Variants in DPYS observed in about 807,000 individuals in gnomAD.
DPYS encodes the protein dihydropyrimidine amidohydrolase.
In DPYS, 39 loss-of-function variants were observed where a neutral mutation model predicts 50.3. The ratio of observed to expected loss-of-function variants is 0.78; its 90% CI spans 0.60 to 1.01. The LOEUF is 1.01. Ranked by LOEUF, DPYS falls within the 50% of genes least tolerant of loss-of-function variation. The pLI is 0.00. For synonymous variants in DPYS, 245 were observed against 250.7 expected (o/e 0.98, Z 0.22); for missense variants, 659 against 680.9 (o/e 0.97, Z 0.36).
In DPYS at chr8:104,447,471, A is replaced by G; in HGVS notation, c.456T>C (p.Asp152=). ...ACATCTTGAAAGAGTTAACACCTTT[A>G]TCTTGCACAAGGATTTTCATTTCTT... The part of the protein sequence containing the change: ...VKEEMKILVQ[D]KGVNSFKMFM... Residue 152 remains aspartate (D), a synonymous_variant, in exon 3 of 10, where the codon GAT becomes GAC. Transcript: ENST00000351513. The G allele has an allele frequency of 6.2e-7, 1 of 1,614,170 alleles. No homozygotes were observed.
At position 104,381,189 on chromosome 8, in the gene DPYS, G is replaced by T. The variant is rs1811018401; in HGVS notation, c.*9C>A. The T allele has an allele frequency of 1.9e-6, 3 of 1,612,594 alleles. No individual in the cohort carries two copies. In the South Asian group the frequency reaches 3.3e-5, roughly 18 times the overall value. On this transcript the variant is annotated 3_prime_UTR_variant, in exon 9 of 10. Coordinates refer to ENST00000351513, the MANE Select transcript of DPYS (RefSeq NM_001385.3). ...TCTTGCCTACAGTCCCTTACCGATG[G>T]CACACACTTCAGGGGTGGGCCTGTT...
chr8:104,417,970 G>T (rs1220799946), intron 7 of DPYS, among the ~76,000 whole-genome samples: 1 of 152,124 alleles, frequency 6.6e-6, no homozygotes, highest in Non-Finnish European at 1.5e-5. Flanking sequence ...TCTTTCCACT[G>T]GTCTCCCCTG....
chr8:104,402,291 A>G (rs1811844216), intron 7 of DPYS, among the ~76,000 whole-genome samples: 1 of 152,248 alleles, frequency 6.6e-6, no homozygotes, highest in Non-Finnish European at 1.5e-5. Flanking sequence ...TCCACTTAGC[A>G]TAAATATTCC....
chr8:104,447,889 G>A (rs1291012397), intron 2 of DPYS, among the ~76,000 whole-genome samples: 1 of 152,236 alleles, frequency 6.6e-6, no homozygotes, highest in African/African-American at 2.4e-5. Flanking sequence ...ACGTTAATGT[G>A]AGGTAAGGAT....
intron 1 of DPYS, among the ~76,000 whole-genome samples, chr8:104,453,100 C>G (rs1171935392): frequency 2.6e-5 from 4 of 152,110 alleles, no homozygotes; most frequent in Admixed American, 6.6e-5. Flanking sequence ...GATATGCCAG[C>G]TCTATTCTAC....
At chr8:104,386,823 T>C (rs1052442617) in intron 8 of DPYS, among the ~76,000 whole-genome samples, 21 of 152,134 alleles carry the variant, frequency 1.4e-4, no homozygotes, top group African/African-American at 5.1e-4. Context: ...AAAGGGGGTT[T>C]CACCATGTTG....
intron 2 of DPYS, among the ~76,000 whole-genome samples, chr8:104,448,929 G>A (rs1042331039): frequency 1.3e-5 from 2 of 152,088 alleles, no homozygotes; most frequent in African/African-American, 2.4e-5. Context: ...ATCACCTGTC[G>A]GCCCCACCAG....
chr8:104,427,857 A>G lies in DPYS; in HGVS notation c.1092+123T>C, dbSNP rs1468916283. On this transcript the variant is annotated intron_variant, in intron 6 of 9. Transcript: ENST00000351513. ...GAGGTGATAGTATTGCATTCCTAGT[A>G]TCCTCCCTAGTAAAAACAATCAAAA... The G allele has an allele frequency of 6.4e-6, 9 of 1,407,656 alleles. No homozygotes were observed. The Admixed American group carries it at 8.4e-5, about 13-fold the overall frequency. The allele number at this position is 1,407,656 out of a possible 1,614,324, so 87.2% of individuals were successfully genotyped here.
intron 7 of DPYS, among the ~76,000 whole-genome samples, chr8:104,408,970 C>T (rs1281508174): frequency 6.6e-6 from 1 of 151,812 alleles, no homozygotes; most frequent in Non-Finnish European, 1.5e-5. Flanking sequence ...CCGGCCACCA[C>T]TCTCAGCTAA....
At chr8:104,421,621 G>C (rs1812549768) in intron 7 of DPYS, 1 of 152,236 alleles carries the variant, frequency 6.6e-6, no homozygotes, top group East Asian at 1.9e-4. Context: ...GCGACAAAGC[G>C]AGACTCCGTC....
At chr8:104,451,202 GGACAAGAGGA>G in intron 2 of DPYS, 34 bp downstream of exon 2, 1 of 1,611,914 alleles carries the variant, frequency 6.2e-7, no homozygotes, top group South Asian at 1.1e-5. Flanking sequence ...TGCAGAGTGA[GGACAAGAGGA>G]CAATGGGAAC....
intron 7 of DPYS, among the ~76,000 whole-genome samples, chr8:104,415,135 A>G (rs1812322063): frequency 6.6e-6 from 1 of 152,226 alleles, no homozygotes; most frequent in Non-Finnish European, 1.5e-5. Context: ...GAGCTTCTAT[A>G]TATACCTGGA....
intron 4 of DPYS, among the ~76,000 whole-genome samples, chr8:104,441,408 AAT>A (rs763134455): frequency 1.3e-5 from 2 of 152,170 alleles, no homozygotes; most frequent in Non-Finnish European, 2.9e-5. Flanking sequence ...ATAGCCTGTG[AAT>A]ATGTTACTTT....
intron 7 of DPYS, among the ~76,000 whole-genome samples, chr8:104,422,299 A>G (rs1393045574): frequency 6.6e-6 from 1 of 152,210 alleles, no homozygotes; most frequent in Non-Finnish European, 1.5e-5. Flanking sequence ...AAATCCAAAA[A>G]TGCTTTTAGT....
chr8:104,452,850 C>A (rs1359789043), intron 1 of DPYS, among the ~76,000 whole-genome samples: 1 of 152,000 alleles, frequency 6.6e-6, no homozygotes, highest in Non-Finnish European at 1.5e-5. Flanking sequence ...CAAAAATAAA[C>A]AAATAAATAA....
chr8:104,407,497 T>C (rs571350751), intron 7 of DPYS, among the ~76,000 whole-genome samples: 2 of 152,132 alleles, frequency 1.3e-5, no homozygotes, highest in South Asian at 4.2e-4. Context: ...ACATAGGAGA[T>C]TATACTCATT....
At position 104,381,291 on chromosome 8, in the gene DPYS, C is replaced by T. The variant is rs1288006370; in HGVS notation, c.1467G>A (p.Glu489=). Residue 489 remains glutamate (E), a synonymous_variant, in exon 9 of 10, where the codon GAG becomes GAA. Coordinates refer to ENST00000351513, the MANE Select transcript of DPYS (RefSeq NM_001385.3). ...CGACTTCTCCCTTATAGGGTGCACG[C>T]TCCACAGGGGTAGGTGTGCAAGTCT... is the stretch of plus-strand genomic sequence containing the variant. ...RDRTCTPTPV[E]RAPYKGEVAT... is the part of the protein sequence containing the mutation. 5.0e-6 allele frequency: 8 copies of T among 1,614,072 alleles called. No individual in the cohort carries two copies. In the Admixed American group the frequency reaches 8.3e-5, roughly 17 times the overall value.
chr8:104,467,028 C>A lies in DPYS; in HGVS notation c.-108G>T. On this transcript the variant is annotated 5_prime_UTR_variant, in exon 1 of 10. Transcript: ENST00000351513. Reference sequence around the variant, plus strand: ...TCCTGCAAGGTCCCCACCGACAGCCCCCGAGCTCTGCCTCAGGCTGCAAAT... The same window carrying A: ...TCCTGCAAGGTCCCCACCGACAGCCACCGAGCTCTGCCTCAGGCTGCAAAT... 1 of 1,288,312 alleles carries A rather than the reference C, an allele frequency of 7.8e-7. No individual in the cohort carries two copies. The highest frequency in any genetic ancestry group is 1.0e-6 in the Non-Finnish European group (1 of 1,001,870). The allele number at this position is 1,288,312 out of a possible 1,614,324, so 79.8% of individuals were successfully genotyped here.
In DPYS at chr8:104,444,445, G is replaced by A. The variant is rs892396743; in HGVS notation, c.604-8C>T. 10 of 1,614,098 alleles carry A rather than the reference G, an allele frequency of 6.2e-6. No individual in the cohort carries two copies. Among genetic ancestry groups the A allele is most frequent in the Admixed American group, 1.7e-5 (1 of 59,984 alleles). On this transcript the variant is annotated splice_polypyrimidine_tract_variant and splice_region_variant and intron_variant, in intron 3 of 9. Transcript: ENST00000351513. The stretch of plus-strand genomic sequence containing the variant: ...CAACATCTTCTTTGCTCCCTAAAAA[G>A]ACAGCAGGAATGTGTATATGTGCAA...
Sources: gnomAD v4.1 joint callset for allele counts (sites outside exome capture counted in the v4.1 genomes callset) on GRCh38, gnomAD v4.1.1 for gene constraint, MANE v1.5 for transcripts, NCBI Gene and HGNC (gene_info 2026-07-23, HGNC 2026-07-21) for gene names.